B3GALT1: variants seen among roughly 807,000 people sequenced by gnomAD.
The protein encoded by B3GALT1 is UDP-Gal:betaGlcNAc beta 1,3-galactosyltransferase, polypeptide 1.
Under a neutral mutation model 23.2 loss-of-function variants are expected in B3GALT1, and 10 were observed. That is an observed-to-expected ratio of 0.43 (90% CI 0.27 to 0.73). The LOEUF (loss-of-function observed/expected upper bound fraction) is 0.73, where lower values mean the gene tolerates loss of function less well. Among genes scored for constraint, B3GALT1 ranks in the 30% least tolerant of loss-of-function variants. The pLI is 0.21. For synonymous variants in B3GALT1, 156 were observed against 141.5 expected (o/e 1.10, Z -0.73); for missense variants, 299 against 405.4 (o/e 0.74, Z 2.25).
intron 2 of B3GALT1, among the ~76,000 whole-genome samples, chr2:167,554,577 A>T (rs939758076): frequency 6.6e-6 from 1 of 152,102 alleles, no homozygotes; most frequent in Non-Finnish European, 1.5e-5. Flanking sequence ...CTCCCCTTCT[A>T]TTGCAGAGCT....
chr2:167,767,580 T>C (rs1175694043), intron 3 of B3GALT1, among the ~76,000 whole-genome samples: 1 of 152,164 alleles, frequency 6.6e-6, no homozygotes, highest in Non-Finnish European at 1.5e-5. Flanking sequence ...TGCAAAAAAA[T>C]ATGAAATTCC....
At chr2:167,840,300 C>A in intron 4 of B3GALT1, among the ~76,000 whole-genome samples, 1 of 151,962 alleles carries the variant, frequency 6.6e-6, no homozygotes, top group Non-Finnish European at 1.5e-5. Context: ...GGCTAATATC[C>A]AGAATCTACA....
chr2:167,585,139 A>G (rs1684565903), intron 2 of B3GALT1, among the ~76,000 whole-genome samples: 1 of 152,206 alleles, frequency 6.6e-6, no homozygotes, highest in Admixed American at 6.5e-5. Context: ...CGCTCTTAAA[A>G]TTCAAAGGAT....
In B3GALT1 at chr2:167,766,057, G is replaced by A. The variant is rs144779204; in HGVS notation, c.-351-52615G>A. ...TCTCCAGACACATACATAAATTTACGGATTGGATGCAAAATTATTTGATTC... is the reference window on the plus strand; with the variant it reads ...TCTCCAGACACATACATAAATTTACAGATTGGATGCAAAATTATTTGATTC... On this transcript the variant is annotated intron_variant, in intron 3 of 4. Transcript: ENST00000392690. 2.6e-4 allele frequency among the ~76,000 whole-genome samples: 40 copies of A among 152,254 alleles called. 1 individual carries two copies. The highest frequency in any genetic ancestry group is 8.9e-4 in the African/African-American group (37 of 41,544).
rs145400335 is a variant in B3GALT1 at position 167,869,601 on chromosome 2, A to G, written c.562A>G (p.Ile188Val). The G allele has an allele frequency of 6.2e-7, 1 of 1,614,038 alleles. No homozygotes were observed. The highest frequency in any genetic ancestry group is 1.3e-5 in the African/African-American group (1 of 74,906). The change falls in exon 5 of 5, where the codon ATT (isoleucine) becomes GTT (valine). Residue 188 changes from isoleucine (I) to valine (V), a missense_variant. Physicochemically the swap from Ile to Val is conservative, Grantham distance 29. Around this residue, in one of 3 missense-constraint regions of B3GALT1, gnomAD observed 133 missense variants for 204.8 expected, o/e 0.65. Transcript: ENST00000392690. The surrounding 1 kb of genome is among the most constrained non-coding windows in gnomAD (Gnocchi z 6.4). ...SDIFVNMDNL[I>V]YKLLKPSTKP... ...CATTTTTGTAAACATGGACAATCTT[A>G]TTTATAAATTACTGAAACCCTCCAC...
rs114289216 is a variant in B3GALT1, at chr2:167,645,015, A to G, written c.-409-1894A>G. Among the ~76,000 whole-genome samples the G allele has an allele frequency of 3.9e-3, 590 of 152,174 alleles. 5 individuals carry two copies. Among genetic ancestry groups the G allele is most frequent in the African/African-American group, 0.014 (565 of 41,504 alleles). ...TCACTTTCAGAATATTTTTCAATAT[A>G]TTTCCCATTTATTCTGAGTACAGCA... On this transcript the variant is annotated intron_variant, in intron 2 of 4. Coordinates refer to ENST00000392690, the MANE Select transcript of B3GALT1 (RefSeq NM_020981.4).
intron 2 of B3GALT1, among the ~76,000 whole-genome samples, chr2:167,640,865 A>C (rs1210434543): frequency 1.3e-5 from 2 of 152,156 alleles, no homozygotes; most frequent in Non-Finnish European, 2.9e-5. Flanking sequence ...AGACAGACAG[A>C]GCTATCATCC....
chr2:167,689,726 T>C (rs535882955), intron 3 of B3GALT1, among the ~76,000 whole-genome samples: 4 of 152,014 alleles, frequency 2.6e-5, no homozygotes, highest in Non-Finnish European at 5.9e-5. Context: ...CAGAATGAGA[T>C]GACAGGGACC....
At chr2:167,744,694 C>T (rs773028884) in intron 3 of B3GALT1, among the ~76,000 whole-genome samples, 11 of 152,048 alleles carry the variant, frequency 7.2e-5, no homozygotes, top group Admixed American at 2.6e-4. Flanking sequence ...CGAGTTCAAG[C>T]GATTCTCCTG....
At chr2:167,352,214 A>T (rs561639184) in intron 1 of B3GALT1, among the ~76,000 whole-genome samples, 104 of 138,188 alleles carry the variant, frequency 7.5e-4, no homozygotes, top group Admixed American at 1.3e-3. Context: ...TGATCCGCCC[A>T]CCTCGACCTC....
intron 3 of B3GALT1, among the ~76,000 whole-genome samples, chr2:167,766,136 A>G (rs1008435891): frequency 5.9e-5 from 9 of 152,216 alleles, no homozygotes; most frequent in Non-Finnish European, 1.2e-4. Flanking sequence ...TTTGCATCCA[A>G]GGAAGAAAGA....
intron 1 of B3GALT1, among the ~76,000 whole-genome samples, chr2:167,443,836 T>G (rs1394571045): frequency 6.6e-6 from 1 of 152,190 alleles, no homozygotes; most frequent in Non-Finnish European, 1.5e-5. Flanking sequence ...GACTTCCTCT[T>G]TTCCTAATTG....
chr2:167,869,205 C>T lies in B3GALT1; in HGVS notation c.166C>T (p.Arg56Ter), dbSNP rs1690293523. 1.9e-6 allele frequency: 3 copies of T among 1,614,158 alleles called. No homozygotes were observed. The highest frequency in any genetic ancestry group is 1.7e-6 in the Non-Finnish European group (2 of 1,180,018). ...CTTCACCTTTGGCAACATAAGAACT[C>T]GACCTATCAACCCACATTCTTTTGA... ...KNFTFGNIRT[R>*]PINPHSFEFL... The change falls in exon 5 of 5, where the codon CGA becomes TGA. Residue 56 changes from arginine to a stop codon, truncating the protein, a stop_gained. Coordinates refer to ENST00000392690, the MANE Select transcript of B3GALT1 (RefSeq NM_020981.4). LOFTEE classifies it high-confidence loss of function. The surrounding 1 kb of genome is among the most constrained non-coding windows in gnomAD (Gnocchi z 6.4).
rs142526594 is a variant in B3GALT1 at position 167,378,883 on chromosome 2, A to G, written c.-511+85549A>G. Among the ~76,000 whole-genome samples, 632 of 152,254 alleles carry G rather than the reference A, an allele frequency of 4.2e-3. 9 individuals carry two copies. Among genetic ancestry groups the G allele is most frequent in the African/African-American group, 0.015 (607 of 41,548 alleles). On this transcript the variant is annotated intron_variant, in intron 1 of 4. Coordinates refer to ENST00000392690, the MANE Select transcript of B3GALT1 (RefSeq NM_020981.4). ...AGTGCGATCCCTTGGTGGTGCCACT[A>G]CATTCAGATTTTTCAAGGTGCCAAA...
chr2:167,414,524 T>G (rs1314197067), intron 1 of B3GALT1, among the ~76,000 whole-genome samples: 1 of 152,186 alleles, frequency 6.6e-6, no homozygotes, highest in African/African-American at 2.4e-5. Context: ...CAGTGCTTTT[T>G]ATAAGATCCA....
At chr2:167,595,663 T>C (rs1053178060) in intron 2 of B3GALT1, among the ~76,000 whole-genome samples, 1 of 152,232 alleles carries the variant, frequency 6.6e-6, no homozygotes, top group Non-Finnish European at 1.5e-5. Flanking sequence ...GGGGTGAGGT[T>C]AAATTATTCA....
chr2:167,616,769 T>G (rs1252134491), intron 2 of B3GALT1, among the ~76,000 whole-genome samples: 1 of 152,094 alleles, frequency 6.6e-6, no homozygotes, highest in African/African-American at 2.4e-5. Context: ...ACAGGAATCT[T>G]TATTTCTCCC....
Position 167,869,112 on chromosome 2 carries a change from A to G in B3GALT1, c.73A>G (p.Ile25Val), listed in dbSNP as rs368300022. ...GGCCAGCGCTCTCTGGTACTTGAGT[A>G]TAACTCGCCCTACTTCTTCTTACAC... is the stretch of plus-strand genomic sequence containing the variant. The part of the protein sequence containing the change: ...CWASALWYLS[I>V]TRPTSSYTGS... The change falls in exon 5 of 5, where the codon ATA (isoleucine) becomes GTA (valine). Residue 25 changes from isoleucine (I) to valine (V), a missense_variant. Ile to Val is a conservative substitution (Grantham distance 29). Transcript: ENST00000392690. The surrounding 1 kb of genome is among the most constrained non-coding windows in gnomAD (Gnocchi z 6.4). 41 of 1,614,064 alleles carry G rather than the reference A, an allele frequency of 2.5e-5. No homozygotes were observed. The highest frequency in any genetic ancestry group is 5.3e-5 in the African/African-American group (4 of 74,918).
chr2:167,459,560 A>G (rs1435655823), intron 1 of B3GALT1, among the ~76,000 whole-genome samples: 1 of 152,224 alleles, frequency 6.6e-6, no homozygotes. Flanking sequence ...TTATAAGAAT[A>G]CTAGCTTTGG....
Sources: allele counts gnomAD v4.1 joint callset (sites outside exome capture counted in the v4.1 genomes callset), GRCh38; gene constraint gnomAD v4.1.1; regional missense constraint gnomAD v4.1.1; non-coding constraint Gnocchi (gnomAD v3.1); transcripts MANE v1.5; gene names NCBI Gene and HGNC (gene_info 2026-07-23, HGNC 2026-07-21).